Variants in ZBTB20 observed in about 807,000 individuals in gnomAD.
The protein encoded by ZBTB20 is zinc finger and BTB domain-containing protein 20.
In ZBTB20, 9 loss-of-function variants were observed where a neutral mutation model predicts 56.9. The ratio of observed to expected loss-of-function variants is 0.16; its 90% CI spans 0.10 to 0.28. ZBTB20 has a LOEUF of 0.28. Ranked by LOEUF, ZBTB20 falls within the 10% of genes least tolerant of loss-of-function variation. The pLI, the probability that ZBTB20 is intolerant of heterozygous loss-of-function variation, is 1.00. For synonymous variants in ZBTB20, 417 were observed against 420.7 expected (o/e 0.99, Z 0.11); for missense variants, 655 against 1,003.0 (o/e 0.65, Z 4.69).
chr3:114,650,042 C>T (rs2060047244), intron 6 of ZBTB20, among the ~76,000 whole-genome samples: 1 of 151,822 alleles, frequency 6.6e-6, no homozygotes, highest in Non-Finnish European at 1.5e-5. Flanking sequence ...ACAAAGAGAG[C>T]TAGAAAATAA....
chr3:114,362,372 G>A (rs184556847), intron 10 of ZBTB20, among the ~76,000 whole-genome samples: 1 of 152,256 alleles, frequency 6.6e-6, no homozygotes, highest in African/African-American at 2.4e-5. Context: ...TGCCCAGCAT[G>A]TTTCTTTATA....
At chr3:115,000,528 C>T (rs2079203886) in intron 2 of ZBTB20, among the ~76,000 whole-genome samples, 1 of 151,440 alleles carries the variant, frequency 6.6e-6, no homozygotes, top group Non-Finnish European at 1.5e-5. Context: ...TCACATTGCC[C>T]AACCCCTAGA....
intron 6 of ZBTB20, among the ~76,000 whole-genome samples, chr3:114,659,993 T>A (rs993276158): frequency 9.2e-5 from 14 of 152,088 alleles, no homozygotes; most frequent in Non-Finnish European, 1.3e-4. Context: ...TTATTAAAAA[T>A]TTTTTAAAAA....
At position 114,914,345 on chromosome 3, in the gene ZBTB20, G is replaced by T. The variant is rs188774136; in HGVS notation, c.-455-14003C>A. Among the ~76,000 whole-genome samples, 547 of 151,902 alleles carry T rather than the reference G, an allele frequency of 3.6e-3. 2 individuals are homozygous for T. The highest frequency in any genetic ancestry group is 6.7e-3 in the Non-Finnish European group (457 of 67,864). On this transcript the variant is annotated intron_variant, in intron 3 of 11. Coordinates refer to ENST00000675478, the MANE Select transcript of ZBTB20 (RefSeq NM_001348800.3). ...ATTTTATCTGTAGCTATTATAAATT[G>T]AATTACTTTTTAAATTTCTTTTTCA...
chr3:114,866,138 G>A (rs998969996), intron 4 of ZBTB20, among the ~76,000 whole-genome samples: 4 of 152,204 alleles, frequency 2.6e-5, no homozygotes, highest in Non-Finnish European at 5.9e-5. Context: ...ATTTCCTCAT[G>A]TATTTAAATA....
At chr3:114,487,176 T>C (rs2042236959) in intron 7 of ZBTB20, among the ~76,000 whole-genome samples, 1 of 152,166 alleles carries the variant, frequency 6.6e-6, no homozygotes, top group South Asian at 2.1e-4. Context: ...GTGGATAATA[T>C]GTGAAGCTTT....
At chr3:114,432,557 G>A (rs2090197020) in intron 7 of ZBTB20, among the ~76,000 whole-genome samples, 1 of 152,186 alleles carries the variant, frequency 6.6e-6, no homozygotes. Flanking sequence ...CACGCCACAT[G>A]TCCCTGCATT....
chr3:114,650,649 G>T (rs2060081318), intron 6 of ZBTB20, among the ~76,000 whole-genome samples: 1 of 151,862 alleles, frequency 6.6e-6, no homozygotes, highest in Non-Finnish European at 1.5e-5. Context: ...AATATCAGTT[G>T]TTAAGTTGCT....
At chr3:114,970,973 C>CCA (rs939053913) in intron 3 of ZBTB20, among the ~76,000 whole-genome samples, 1 of 151,568 alleles carries the variant, frequency 6.6e-6, no homozygotes, top group Non-Finnish European at 1.5e-5. Flanking sequence ...CCAGATCATG[C>CCA]CACTGCACTC....
rs1293121122 is a variant in ZBTB20, at chr3:114,407,822, A to G, written c.-254-18717T>C. On this transcript the variant is annotated intron_variant, in intron 7 of 11. Coordinates refer to ENST00000675478, the MANE Select transcript of ZBTB20 (RefSeq NM_001348800.3). Reference sequence around the variant, plus strand: ...GGATTGTATCGAAATTTGCCTTTTTATTACCTCTGAAAATAGGATTTCTAA... The same window carrying G: ...GGATTGTATCGAAATTTGCCTTTTTGTTACCTCTGAAAATAGGATTTCTAA... Among the ~76,000 whole-genome samples, 7 of 152,100 alleles carry G rather than the reference A, an allele frequency of 4.6e-5. No individual in the cohort carries two copies. The East Asian group carries it at 1.2e-3, about 25-fold the overall frequency.
At chr3:114,903,761 T>C (rs1450983060) in intron 3 of ZBTB20, among the ~76,000 whole-genome samples, 1 of 151,992 alleles carries the variant, frequency 6.6e-6, no homozygotes, top group East Asian at 1.9e-4. Context: ...TCAACTGGAA[T>C]TGGACCAAGG....
intron 1 of ZBTB20, among the ~76,000 whole-genome samples, chr3:115,104,451 A>G (rs2083666624): frequency 6.6e-6 from 1 of 152,248 alleles, no homozygotes; most frequent in African/African-American, 2.4e-5. Flanking sequence ...TAATATGCCC[A>G]TTAGTAGATG....
chr3:114,915,645 G>A (rs936034143), intron 3 of ZBTB20, among the ~76,000 whole-genome samples: 1 of 151,602 alleles, frequency 6.6e-6, no homozygotes, highest in African/African-American at 2.4e-5. Flanking sequence ...GTTTACTCTT[G>A]CTTCTCTAGT....
intron 4 of ZBTB20, among the ~76,000 whole-genome samples, chr3:114,891,733 C>A (rs557488686): frequency 6.8e-4 from 103 of 152,266 alleles, no homozygotes; most frequent in African/African-American, 2.2e-3. Context: ...ATAACTACTT[C>A]TTAAATGAGT....
chr3:114,923,876 T>A (rs1269672990), intron 3 of ZBTB20, among the ~76,000 whole-genome samples: 2 of 151,426 alleles, frequency 1.3e-5, no homozygotes, highest in Non-Finnish European at 3.0e-5. Context: ...CAAAAAAAAA[T>A]AATAACAATA....
chr3:114,425,269 G>A (rs1228218907), intron 7 of ZBTB20, among the ~76,000 whole-genome samples: 1 of 152,146 alleles, frequency 6.6e-6, no homozygotes, highest in East Asian at 1.9e-4. Context: ...GCTGTTCTTT[G>A]CTTAAATCAT....
At position 114,806,401 on chromosome 3, in the gene ZBTB20, G is replaced by C. The variant is rs567050417; in HGVS notation, c.-416-5227C>G. Among the ~76,000 whole-genome samples the C allele has an allele frequency of 4.5e-4, 68 of 151,870 alleles. 1 individual carries two copies. The highest frequency in any genetic ancestry group is 1.6e-3 in the African/African-American group (66 of 41,488). On this transcript the variant is annotated intron_variant, in intron 4 of 11. Transcript: ENST00000675478. ...TTCATCTTCTTTGGTGAATAACTTC[G>C]GTGAATTGTCAAATATTTTGCCCAG...
intron 5 of ZBTB20, among the ~76,000 whole-genome samples, chr3:114,708,200 A>G (rs1438422092): frequency 1.3e-5 from 2 of 152,206 alleles, no homozygotes; most frequent in Non-Finnish European, 2.9e-5. Context: ...AATGACTACA[A>G]AAATGTTTTG....
At chr3:114,668,476 G>C (rs1029062458) in intron 6 of ZBTB20, among the ~76,000 whole-genome samples, 23 of 152,018 alleles carry the variant, frequency 1.5e-4, no homozygotes, top group Non-Finnish European at 2.2e-4. Flanking sequence ...TGTTTGACAA[G>C]TAATCTCCAA....
Sources: gnomAD v4.1 joint callset for allele counts (sites outside exome capture counted in the v4.1 genomes callset) on GRCh38, gnomAD v4.1.1 for gene constraint, MANE v1.5 for transcripts, NCBI Gene and HGNC (gene_info 2026-07-23, HGNC 2026-07-21) for gene names.